Variants in CCSER1 observed in about 807,000 individuals in gnomAD.
The protein encoded by CCSER1 is serine-rich coiled-coil domain-containing protein 1.
Under a neutral mutation model 82.0 loss-of-function variants are expected in CCSER1, and 41 were observed. The ratio of observed to expected loss-of-function variants is 0.50; its 90% CI spans 0.39 to 0.65. The LOEUF is 0.65. Ranked by LOEUF, CCSER1 falls within the 30% of genes least tolerant of loss-of-function variation. The pLI, the probability that CCSER1 is intolerant of heterozygous loss-of-function variation, is 0.00. For missense variants in CCSER1, 1,119 were observed against 1,064.2 expected, an observed-to-expected ratio of 1.05 and a Z score of -0.72; for synonymous variants, 414 against 383.9, an observed-to-expected ratio of 1.08 and a Z score of -0.92.
chr4:90,626,364 C>A (rs903410342), intron 5 of CCSER1, among the ~76,000 whole-genome samples: 1 of 152,006 alleles, frequency 6.6e-6, no homozygotes, highest in South Asian at 2.1e-4. Context: ...ATATACCTAC[C>A]GTGACTTCTA....
chr4:91,081,981 A>C (rs1389887337), intron 9 of CCSER1, among the ~76,000 whole-genome samples: 4 of 152,230 alleles, frequency 2.6e-5, no homozygotes, highest in African/African-American at 9.6e-5. Flanking sequence ...GAAAATGGCC[A>C]TACTGCCCAA....
At chr4:90,483,000 G>T (rs918812221) in intron 5 of CCSER1, among the ~76,000 whole-genome samples, 15 of 152,192 alleles carry the variant, frequency 9.9e-5, no homozygotes, top group Middle Eastern at 3.4e-3. Context: ...CTATTGTGTG[G>T]GAGTCTAAGT....
At chr4:91,309,070 A>C (rs1010045029) in intron 10 of CCSER1, among the ~76,000 whole-genome samples, 1 of 151,874 alleles carries the variant, frequency 6.6e-6, no homozygotes, top group South Asian at 2.1e-4. Flanking sequence ...TTTCCCTTGC[A>C]TATTATTCTA....
At chr4:90,581,509 T>C (rs1781413134) in intron 5 of CCSER1, among the ~76,000 whole-genome samples, 1 of 152,142 alleles carries the variant, frequency 6.6e-6, no homozygotes, top group Non-Finnish European at 1.5e-5. Flanking sequence ...GGTATGTGTG[T>C]GTGTTTGTGT....
At chr4:91,028,591 A>G (rs748226460) in intron 9 of CCSER1, among the ~76,000 whole-genome samples, 8 of 151,990 alleles carry the variant, frequency 5.3e-5, no homozygotes, top group African/African-American at 9.7e-5. Context: ...ATAGAGCATG[A>G]CATAATGAAT....
intron 8 of CCSER1, among the ~76,000 whole-genome samples, chr4:90,910,582 A>T (rs1237904940): frequency 1.3e-5 from 2 of 152,192 alleles, no homozygotes; most frequent in Non-Finnish European, 2.9e-5. Flanking sequence ...TTCTTGTAAA[A>T]ATCACCTGCA....
At chr4:90,556,870 A>G (rs1174344344) in intron 5 of CCSER1, among the ~76,000 whole-genome samples, 1 of 151,220 alleles carries the variant, frequency 6.6e-6, no homozygotes, top group Non-Finnish European at 1.5e-5. Flanking sequence ...ATATATATAT[A>G]TGGACATATA....
At chr4:91,278,286 A>C (rs879301555) in intron 10 of CCSER1, among the ~76,000 whole-genome samples, 6 of 152,100 alleles carry the variant, frequency 3.9e-5, no homozygotes, top group Non-Finnish European at 7.4e-5. Flanking sequence ...GAAGTCCCTA[A>C]CTATTACTAT....
intron 10 of CCSER1, among the ~76,000 whole-genome samples, chr4:91,141,029 G>A (rs1728974374): frequency 6.6e-6 from 1 of 151,880 alleles, no homozygotes; most frequent in African/African-American, 2.4e-5. Flanking sequence ...TATGTCCAAT[G>A]TTTAGCTCCC....
chr4:90,154,484 C>G (rs1727626060), intron 1 of CCSER1, among the ~76,000 whole-genome samples: 3 of 151,990 alleles, frequency 2.0e-5, no homozygotes, highest in Admixed American at 2.0e-4. Context: ...TGGCCATGTT[C>G]ACGATATTGA....
chr4:91,398,316 T>TA (rs879372663), intron 10 of CCSER1, among the ~76,000 whole-genome samples: 2 of 151,902 alleles, frequency 1.3e-5, no homozygotes, highest in Non-Finnish European at 2.9e-5. Context: ...GAAACTGTGT[T>TA]ACATAGGGAG....
intron 10 of CCSER1, among the ~76,000 whole-genome samples, chr4:91,183,399 C>G (rs1250549328): frequency 6.6e-6 from 1 of 152,152 alleles, no homozygotes; most frequent in Non-Finnish European, 1.5e-5. Context: ...TTTTCAGCAC[C>G]TTCAATTGGT....
chr4:90,823,725 C>A (rs1343463646), intron 8 of CCSER1, among the ~76,000 whole-genome samples: 1 of 151,458 alleles, frequency 6.6e-6, no homozygotes, highest in Non-Finnish European at 1.5e-5. Flanking sequence ...ATAATATCTT[C>A]AAAACTGAAC....
At chr4:91,038,613 G>A (rs1442498511) in intron 9 of CCSER1, among the ~76,000 whole-genome samples, 1 of 152,142 alleles carries the variant, frequency 6.6e-6, no homozygotes, top group Non-Finnish European at 1.5e-5. Flanking sequence ...TCCTGGACTT[G>A]ATATTCCAAT....
chr4:91,542,067 A>G (rs1294381049), intron 10 of CCSER1, among the ~76,000 whole-genome samples: 1 of 151,940 alleles, frequency 6.6e-6, no homozygotes, highest in East Asian at 1.9e-4. Flanking sequence ...CCAATTTTTG[A>G]TGGGGTTGTT....
chr4:91,322,818 G>A (rs147570171), intron 10 of CCSER1, among the ~76,000 whole-genome samples: 2 of 152,236 alleles, frequency 1.3e-5, no homozygotes, highest in African/African-American at 4.8e-5. Context: ...AACCCAGGTA[G>A]TGTGATCAAA....
At chr4:91,233,150 G>C (rs1304717611) in intron 10 of CCSER1, among the ~76,000 whole-genome samples, 3 of 151,672 alleles carry the variant, frequency 2.0e-5, no homozygotes, top group African/African-American at 7.3e-5. Flanking sequence ...GGAAGGGAAA[G>C]GGGCAATAAA....
At chr4:90,156,816 A>G (rs1451360151) in intron 1 of CCSER1, among the ~76,000 whole-genome samples, 3 of 151,992 alleles carry the variant, frequency 2.0e-5, no homozygotes, top group African/African-American at 7.2e-5. Flanking sequence ...ATGGGTCTTG[A>G]CTCTTTATCC....
chr4:90,996,754 ATATAT>A (rs1167148719), intron 9 of CCSER1, among the ~76,000 whole-genome samples: 21 of 152,176 alleles, frequency 1.4e-4, no homozygotes, highest in African/African-American at 3.4e-4. Context: ...AAATGAAATC[ATATAT>A]TATATGATCT....
Sources: gnomAD v4.1 joint callset for allele counts (sites outside exome capture counted in the v4.1 genomes callset) on GRCh38, gnomAD v4.1.1 for gene constraint, MANE v1.5 for transcripts, NCBI Gene and HGNC (gene_info 2026-07-23, HGNC 2026-07-21) for gene names.